TNR: variants seen among roughly 807,000 people sequenced by gnomAD.
TNR encodes the protein tenascin-R.
A neutral mutation model predicts 150.4 loss-of-function variants in TNR; 45 were observed. The observed-to-expected ratio is 0.30, with a 90% CI of 0.24 to 0.38. TNR has a LOEUF of 0.38. Ranked by LOEUF, TNR falls within the 10% of genes least tolerant of loss-of-function variation. The pLI is 1.00. For synonymous variants in TNR, 687 were observed against 678.4 expected (o/e 1.01, Z -0.20); for missense variants, 1,544 against 1,759.1 (o/e 0.88, Z 2.19).
intron 1 of TNR, among the ~76,000 whole-genome samples, chr1:175,562,778 A>T (rs1442824347): frequency 6.6e-6 from 1 of 152,198 alleles, no homozygotes; most frequent in African/African-American, 2.4e-5. Context: ...GTCAAGCTGC[A>T]GGTTTTAGCT....
intron 15 of TNR, among the ~76,000 whole-genome samples, chr1:175,358,918 T>C (rs1027961983): frequency 6.6e-6 from 1 of 152,206 alleles, no homozygotes; most frequent in Admixed American, 6.5e-5. Context: ...CTTGGTCCTA[T>C]ATCTTCAGTG....
intron 2 of TNR, among the ~76,000 whole-genome samples, chr1:175,506,535 G>A (rs1658965017): frequency 1.3e-5 from 2 of 152,166 alleles, no homozygotes; most frequent in Admixed American, 1.3e-4. Flanking sequence ...TATAAGAAGA[G>A]GTGACTGGAG....
At chr1:175,412,481 G>A (rs2102053981) in intron 2 of TNR, among the ~76,000 whole-genome samples, 1 of 152,232 alleles carries the variant, frequency 6.6e-6, no homozygotes, top group East Asian at 1.9e-4. Flanking sequence ...CCCCAAATCA[G>A]GAGCAATTGT....
intron 1 of TNR, among the ~76,000 whole-genome samples, chr1:175,672,056 G>A (rs1256916838): frequency 6.6e-6 from 1 of 152,134 alleles, no homozygotes; most frequent in Non-Finnish European, 1.5e-5. Flanking sequence ...TGAATAAAGA[G>A]ATGGATGGAT....
At chr1:175,508,827 A>G (rs1235501473) in intron 2 of TNR, among the ~76,000 whole-genome samples, 1 of 152,214 alleles carries the variant, frequency 6.6e-6, no homozygotes, top group African/African-American at 2.4e-5. Flanking sequence ...GTCTTAAGCC[A>G]GTTAGTGTGG....
chr1:175,542,099 G>C (rs988833641), intron 1 of TNR, among the ~76,000 whole-genome samples: 80 of 152,156 alleles, frequency 5.3e-4, no homozygotes, highest in African/African-American at 1.9e-3. Flanking sequence ...CATGCCACTG[G>C]GTTTGGGGCA....
chr1:175,338,901 C>A (rs1473634675), intron 18 of TNR, among the ~76,000 whole-genome samples: 1 of 152,200 alleles, frequency 6.6e-6, no homozygotes, highest in African/African-American at 2.4e-5. Flanking sequence ...TTAACTGCCC[C>A]CGCACCAGGA....
chr1:175,337,831 CT>C, intron 18 of TNR, 152 bp from the exon 19 acceptor site: 1 of 823,838 alleles, frequency 1.2e-6, no homozygotes, highest in South Asian at 1.8e-5. Flanking sequence ...GGTGTGGGGA[CT>C]TGGCATCATC....
rs990652343 is a variant in TNR, at chr1:175,319,909, C to T, written c.*3448G>A. The T allele has an allele frequency of 2.0e-5, 3 of 150,262 alleles. No individual in the cohort carries two copies. Among genetic ancestry groups the T allele is most frequent in the African/African-American group, 7.4e-5 (3 of 40,704 alleles). 9.3% of individuals were successfully genotyped at this position (150,262 alleles called of 1,614,324 possible). A position where few individuals can be genotyped will look rare whatever the true frequency, so the allele number is the denominator to read the frequency against. The stretch of plus-strand genomic sequence containing the variant: ...TCCACAGACTTGTCATTCTTGCCAC[C>T]TCTTCTACACCTGACCCCTTCACCT... On this transcript the variant is annotated 3_prime_UTR_variant, in exon 23 of 23. Transcript: ENST00000367674.
At chr1:175,666,562 G>A (rs1445147659) in intron 1 of TNR, among the ~76,000 whole-genome samples, 3 of 152,212 alleles carry the variant, frequency 2.0e-5, no homozygotes, top group Non-Finnish European at 4.4e-5. Context: ...GTATAATGCT[G>A]CAAGCTCCGT....
In TNR at chr1:175,355,555, G is replaced by T; in HGVS notation, c.3197C>A (p.Ala1066Glu). ...SALISWQPPR[A>E]EIENYVLTYK... ...GGTCAAGACATAATTTTCAATCTCTGCCCTGGGAGGCTGCCAGGAGATCAG... is the reference window on the plus strand; with the variant it reads ...GGTCAAGACATAATTTTCAATCTCTTCCCTGGGAGGCTGCCAGGAGATCAG... The change falls in exon 17 of 23, where the codon GCA (alanine) becomes GAA (glutamate). Residue 1066 changes from alanine (A) to glutamate (E), a missense_variant. By Grantham distance (107) the Ala-to-Glu change is moderately radical. Transcript: ENST00000367674. The T allele has an allele frequency of 6.2e-7, 1 of 1,614,078 alleles. No individual in the cohort carries two copies. Among genetic ancestry groups the T allele is most frequent in the Non-Finnish European group, 8.5e-7 (1 of 1,179,944 alleles).
At chr1:175,411,451 T>C (rs918325056) in intron 2 of TNR, among the ~76,000 whole-genome samples, 1 of 152,078 alleles carries the variant, frequency 6.6e-6, no homozygotes, top group Non-Finnish European at 1.5e-5. Context: ...CTGAGTGGCT[T>C]AAAACGACAG....
intron 2 of TNR, among the ~76,000 whole-genome samples, chr1:175,451,793 AT>A: frequency 6.6e-6 from 1 of 152,144 alleles, no homozygotes; most frequent in East Asian, 1.9e-4. Context: ...ATGACTTAGC[AT>A]TTTGAACGTT....
chr1:175,694,928 G>A (rs1045190543), intron 1 of TNR, among the ~76,000 whole-genome samples: 5 of 152,204 alleles, frequency 3.3e-5, no homozygotes, highest in Non-Finnish European at 5.9e-5. Context: ...TCAGTCTGTA[G>A]AACTTTATTA....
intron 18 of TNR, among the ~76,000 whole-genome samples, chr1:175,341,729 T>G (rs1650532229): frequency 6.6e-6 from 1 of 152,240 alleles, no homozygotes; most frequent in Non-Finnish European, 1.5e-5. Flanking sequence ...GAAGCCACAA[T>G]GTCAGCATTT....
intron 2 of TNR, among the ~76,000 whole-genome samples, chr1:175,468,522 C>T (rs1571483851): frequency 6.6e-6 from 1 of 152,226 alleles, no homozygotes; most frequent in South Asian, 2.1e-4. Flanking sequence ...GTGGTAAGCT[C>T]AACAACAGTG....
In TNR at chr1:175,323,410, G is replaced by A. The variant is rs1370205892; in HGVS notation, c.4024C>T (p.Pro1342Ser). Residue 1342 changes from proline (P) to serine (S), a missense_variant, in exon 23 of 23, where the codon CCC becomes TCC. Physicochemically the swap from Pro to Ser is moderately conservative, Grantham distance 74 (BLOSUM62 -1). Around this residue, in one of 2 missense-constraint regions of TNR, gnomAD observed 290 missense variants for 429.7 expected, o/e 0.67. Transcript: ENST00000367674. ...CCTGCCATGAGACGGTGGTTGTAGGGGCGCATCTTCATTTCCACAAAGGGG... is the reference window on the plus strand; with the variant it reads ...CCTGCCATGAGACGGTGGTTGTAGGAGCGCATCTTCATTTCCACAAAGGGG... ...SIPFVEMKMRPYNHRLMAGRK... is the reference protein window; with the variant it reads ...SIPFVEMKMRSYNHRLMAGRK... 1.9e-6 allele frequency: 3 copies of A among 1,613,950 alleles called. No individual in the cohort carries two copies. Among genetic ancestry groups the A allele is most frequent in the Non-Finnish European group, 2.5e-6 (3 of 1,179,970 alleles).
At position 175,403,461 on chromosome 1, in the gene TNR, A is replaced by C; in HGVS notation, c.655T>G (p.Cys219Gly). The part of the protein sequence containing the change: ...SSRGVCVDGQ[C>G]ICDSEYSGDD... ...CCGCTGTACTCGCTGTCACAGATGCACTGGCCATCCACACACACCCCCCGG... is the reference window on the plus strand; with the variant it reads ...CCGCTGTACTCGCTGTCACAGATGCCCTGGCCATCCACACACACCCCCCGG... The change falls in exon 4 of 23, where the codon TGC becomes GGC. Residue 219 changes from cysteine to glycine, a missense_variant. By Grantham distance (159) the Cys-to-Gly change is radical. Transcript: ENST00000367674. 1 of 1,614,208 alleles carries C rather than the reference A, an allele frequency of 6.2e-7. No individual in the cohort carries two copies. Among genetic ancestry groups the C allele is most frequent in the Non-Finnish European group, 8.5e-7 (1 of 1,180,036 alleles).
Position 175,679,492 on chromosome 1 carries a change from A to G in TNR, c.-165+63734T>C, listed in dbSNP as rs1665966546. On this transcript the variant is annotated intron_variant, in intron 1 of 22. Coordinates refer to ENST00000367674, the MANE Select transcript of TNR (RefSeq NM_003285.3). ...TTCAAAATACCTACAGTTCAATTGGATACGCAAAATGTCTAGTATGTGTCC... is the reference window on the plus strand; with the variant it reads ...TTCAAAATACCTACAGTTCAATTGGGTACGCAAAATGTCTAGTATGTGTCC... 2.0e-5 allele frequency among the ~76,000 whole-genome samples: 3 copies of G among 152,236 alleles called. No individual in the cohort carries two copies. The South Asian group carries it at 6.2e-4, about 31-fold the overall frequency.
Sources: gnomAD v4.1 joint callset for allele counts (sites outside exome capture counted in the v4.1 genomes callset) on GRCh38, gnomAD v4.1.1 for gene constraint, gnomAD v4.1.1 regional missense constraint, MANE v1.5 for transcripts, NCBI Gene and HGNC (gene_info 2026-07-23, HGNC 2026-07-21) for gene names.